CCDC192: variants seen among roughly 807,000 people sequenced by gnomAD.
CCDC192 encodes the protein coiled-coil domain-containing protein 192.
chr5:127,861,929 C>T (rs1751388811), intron 5 of CCDC192, among the ~76,000 whole-genome samples: 2 of 152,112 alleles, frequency 1.3e-5, no homozygotes. Flanking sequence ...GAAAAATGTA[C>T]TGAGCGTGAA....
intron 5 of CCDC192, among the ~76,000 whole-genome samples, chr5:127,834,822 A>G (rs1020040057): frequency 1.3e-5 from 2 of 152,220 alleles, no homozygotes; most frequent in African/African-American, 4.8e-5. Flanking sequence ...AGAATATGTG[A>G]TTGTGCAATA....
intron 2 of CCDC192, among the ~76,000 whole-genome samples, chr5:127,708,492 G>C (rs1751096490): frequency 6.6e-6 from 1 of 152,138 alleles, no homozygotes; most frequent in Non-Finnish European, 1.5e-5. Flanking sequence ...TCAGGTTGAA[G>C]ACCCTCTGGA....
At chr5:127,709,202 G>GGGGGGAGA (rs1247306394) in intron 2 of CCDC192, among the ~76,000 whole-genome samples, 10 of 85,756 alleles carry the variant, frequency 1.2e-4, no homozygotes, top group South Asian at 1.2e-3. Context: ...GGAGAGAGGG[G>GGGGGGAGA]GAGAGAGAGA....
intron 2 of CCDC192, among the ~76,000 whole-genome samples, chr5:127,732,073 T>G (rs1380049014): frequency 6.6e-6 from 1 of 151,892 alleles, no homozygotes; most frequent in South Asian, 2.1e-4. Context: ...ACCTACAGAA[T>G]GGGAGAAATT....
At chr5:127,936,680 GT>G (rs1300716764) in intron 6 of CCDC192, among the ~76,000 whole-genome samples, 1 of 152,184 alleles carries the variant, frequency 6.6e-6, no homozygotes, top group African/African-American at 2.4e-5. Flanking sequence ...TGCTAATCAG[GT>G]TTTTCCTCCG....
At chr5:127,814,169 C>T (rs790475) in intron 5 of CCDC192, among the ~76,000 whole-genome samples, 51,354 of 151,866 alleles carry the variant, frequency 0.34, 9,643 homozygotes, top group South Asian at 0.48. Flanking sequence ...AGAATGCAGA[C>T]GGCAGTAAGG....
At chr5:127,765,855 C>T (rs1755192235) in intron 3 of CCDC192, among the ~76,000 whole-genome samples, 2 of 152,104 alleles carry the variant, frequency 1.3e-5, no homozygotes, top group South Asian at 4.2e-4. Flanking sequence ...TTCATATTTC[C>T]AAAGACCGTG....
intron 2 of CCDC192, among the ~76,000 whole-genome samples, chr5:127,725,375 A>AATAG (rs1320669814): frequency 6.6e-6 from 1 of 152,222 alleles, no homozygotes; most frequent in Non-Finnish European, 1.5e-5. Flanking sequence ...AGCACTGTCC[A>AATAG]ACAGAAATAT....
At chr5:127,902,704 A>G (rs567690493) in intron 6 of CCDC192, among the ~76,000 whole-genome samples, 1 of 152,322 alleles carries the variant, frequency 6.6e-6, no homozygotes, top group South Asian at 2.1e-4. Flanking sequence ...AGCTACAGAA[A>G]ATGTTCTGGG....
intron 5 of CCDC192, among the ~76,000 whole-genome samples, chr5:127,803,571 T>G (rs1208783917): frequency 4.6e-5 from 7 of 152,266 alleles, no homozygotes; most frequent in Admixed American, 4.6e-4. Flanking sequence ...TTCCAAATTA[T>G]GGAATCCATA....
At chr5:127,760,357 A>G (rs188026768) in intron 3 of CCDC192, among the ~76,000 whole-genome samples, 44 of 151,276 alleles carry the variant, frequency 2.9e-4, no homozygotes, top group African/African-American at 1.0e-3. Context: ...AGAAGCAGCC[A>G]AATCAGTACT....
chr5:127,831,347 A>T (rs955221028), intron 5 of CCDC192, among the ~76,000 whole-genome samples: 2 of 151,898 alleles, frequency 1.3e-5, no homozygotes, highest in Non-Finnish European at 2.9e-5. Context: ...AAAATCTTCA[A>T]AAGTGTGTGT....
intron 3 of CCDC192, chr5:127,786,827 CT>C: frequency 2.2e-5 from 12 of 537,600 alleles, no homozygotes; most frequent in East Asian, 3.3e-5. Flanking sequence ...GTGTCTGCCC[CT>C]TTTTTGATGT....
At chr5:127,725,966 T>C (rs538030716) in intron 2 of CCDC192, among the ~76,000 whole-genome samples, 6 of 152,226 alleles carry the variant, frequency 3.9e-5, no homozygotes, top group African/African-American at 1.4e-4. Flanking sequence ...CATTATTTTT[T>C]GTTTTTTTCT....
At chr5:127,750,284 A>C (rs2126862563) in intron 2 of CCDC192, among the ~76,000 whole-genome samples, 1 of 152,264 alleles carries the variant, frequency 6.6e-6, no homozygotes, top group Admixed American at 6.5e-5. Flanking sequence ...CACTGCTTTG[A>C]ATGCATCCCA....
At chr5:127,802,594 A>G (rs1757564141) in intron 5 of CCDC192, among the ~76,000 whole-genome samples, 1 of 152,078 alleles carries the variant, frequency 6.6e-6, no homozygotes, top group African/African-American at 2.4e-5. Flanking sequence ...ATCAGTCCAG[A>G]AGTAATCTCT....
intron 6 of CCDC192, among the ~76,000 whole-genome samples, chr5:127,878,372 G>A (rs1341729573): frequency 6.6e-6 from 1 of 152,232 alleles, no homozygotes; most frequent in Non-Finnish European, 1.5e-5. Context: ...GCAGGGTAGA[G>A]GGAGTAAATG....
rs548805402 is a variant in CCDC192 at position 127,912,703 on chromosome 5, A to G, written c.536-28479A>G. The stretch of plus-strand genomic sequence containing the variant: ...ATTACCTGGGGAGGAGGAACTCTTC[A>G]CTCTCTGCTTAGGTATTTGAAGCAA... On this transcript the variant is annotated intron_variant, in intron 6 of 6. Transcript: ENST00000514853. Among the ~76,000 whole-genome samples, 21 of 152,230 alleles carry G rather than the reference A, an allele frequency of 1.4e-4. No homozygotes were observed. The East Asian group carries it at 4.1e-3, about 29-fold the overall frequency.
chr5:127,715,615 G>A (rs1033649931), intron 2 of CCDC192, among the ~76,000 whole-genome samples: 1 of 152,182 alleles, frequency 6.6e-6, no homozygotes, highest in African/African-American at 2.4e-5. Flanking sequence ...CTATTTCTGT[G>A]AAGGATACCA....
Sources: gnomAD v4.1 joint callset for allele counts (sites outside exome capture counted in the v4.1 genomes callset) on GRCh38, gnomAD v4.1.1 for gene constraint, MANE v1.5 for transcripts, NCBI Gene and HGNC (gene_info 2026-07-23, HGNC 2026-07-21) for gene names.